Variants in COL8A1 observed in about 807,000 individuals in gnomAD.
The protein encoded by COL8A1 is collagen type VIII alpha 1 chain.
Under a neutral mutation model 42.7 loss-of-function variants are expected in COL8A1, and 21 were observed. The ratio of observed to expected loss-of-function variants is 0.49; its 90% CI spans 0.35 to 0.71. COL8A1 has a LOEUF of 0.71. COL8A1 is among the 30% of genes least tolerant of loss of function. The pLI, the probability that COL8A1 is intolerant of heterozygous loss-of-function variation, is 0.01. For synonymous variants in COL8A1, 367 were observed against 369.1 expected (o/e 0.99, Z 0.06); for missense variants, 788 against 962.4 (o/e 0.82, Z 2.40).
chr3:99,666,675 T>A (rs1938376439), intron 1 of COL8A1, among the ~76,000 whole-genome samples: 1 of 152,198 alleles, frequency 6.6e-6, no homozygotes, highest in African/African-American at 2.4e-5. Context: ...CTGTTGAAAT[T>A]TGTCTCATAT....
At chr3:99,712,102 G>A (rs1305275867) in intron 1 of COL8A1, among the ~76,000 whole-genome samples, 3 of 152,112 alleles carry the variant, frequency 2.0e-5, no homozygotes, top group African/African-American at 7.2e-5. Context: ...CTTTGAAATT[G>A]AAAGGTTTTA....
intron 1 of COL8A1, among the ~76,000 whole-genome samples, 179 bp downstream of exon 1, chr3:99,638,843 A>C (rs1280829818): frequency 6.6e-6 from 1 of 152,158 alleles, no homozygotes. Context: ...GTAAAATAAA[A>C]GCTCCTTCAG....
chr3:99,773,047 C>A (rs1941610292), intron 2 of COL8A1, among the ~76,000 whole-genome samples: 1 of 152,130 alleles, frequency 6.6e-6, no homozygotes, highest in South Asian at 2.1e-4. Flanking sequence ...TCCTTGTCTT[C>A]AAAATGATTA....
At chr3:99,738,740 GGTGGGCTCCACCCA>G (rs2107397595) in intron 1 of COL8A1, among the ~76,000 whole-genome samples, 1 of 118,732 alleles carries the variant, frequency 8.4e-6, no homozygotes, top group East Asian at 3.3e-4. Flanking sequence ...CTTGAGCTGT[GGTGGGCTCCACCCA>G]GTTCGAGCTT....
intron 1 of COL8A1, among the ~76,000 whole-genome samples, chr3:99,716,899 T>C (rs1333973310): frequency 6.6e-6 from 1 of 151,974 alleles, no homozygotes; most frequent in African/African-American, 2.4e-5. Flanking sequence ...CTAAACATAA[T>C]AGGGAACTCA....
At chr3:99,759,496 A>C (rs1484673853) in intron 2 of COL8A1, among the ~76,000 whole-genome samples, 1 of 152,192 alleles carries the variant, frequency 6.6e-6, no homozygotes, top group Non-Finnish European at 1.5e-5. Context: ...ATAAGGGCTA[A>C]AATATCTGGG....
At chr3:99,691,059 C>T (rs983275630) in intron 1 of COL8A1, among the ~76,000 whole-genome samples, 1 of 152,066 alleles carries the variant, frequency 6.6e-6, no homozygotes, top group Non-Finnish European at 1.5e-5. Context: ...CTGACTTTTC[C>T]TGTATGCAAG....
intron 1 of COL8A1, among the ~76,000 whole-genome samples, chr3:99,641,883 G>C (rs1042374079): frequency 1.3e-5 from 2 of 152,132 alleles, no homozygotes; most frequent in African/African-American, 4.8e-5. Flanking sequence ...TGAGTGAAAA[G>C]AAAACCAAAA....
intron 1 of COL8A1, among the ~76,000 whole-genome samples, chr3:99,699,198 C>G (rs1400430203): frequency 1.3e-5 from 2 of 152,208 alleles, no homozygotes; most frequent in East Asian, 3.8e-4. Flanking sequence ...TACTACCCAA[C>G]AGCCAAGAAT....
chr3:99,704,239 A>G (rs963621075), intron 1 of COL8A1, among the ~76,000 whole-genome samples: 1 of 152,140 alleles, frequency 6.6e-6, no homozygotes, highest in Non-Finnish European at 1.5e-5. Context: ...TAAAAATTGA[A>G]TGAATAGAAT....
chr3:99,683,887 C>CTA (rs1420174994), intron 1 of COL8A1, among the ~76,000 whole-genome samples: 3 of 152,014 alleles, frequency 2.0e-5, no homozygotes, highest in African/African-American at 7.3e-5. Flanking sequence ...GACTTTGTCT[C>CTA]TATAAGACCA....
At chr3:99,658,755 A>C (rs1006190916) in intron 1 of COL8A1, among the ~76,000 whole-genome samples, 4 of 152,236 alleles carry the variant, frequency 2.6e-5, no homozygotes, top group African/African-American at 9.6e-5. Flanking sequence ...AAGAAGTCAG[A>C]AAACAAGACG....
chr3:99,750,022 T>A (rs1436747194), intron 2 of COL8A1, among the ~76,000 whole-genome samples: 6 of 151,346 alleles, frequency 4.0e-5, no homozygotes, highest in African/African-American at 1.5e-4. Context: ...GTATAACTTG[T>A]TGCCAACTTC....
At chr3:99,727,574 TC>T (rs1047756599) in intron 1 of COL8A1, among the ~76,000 whole-genome samples, 76 of 152,140 alleles carry the variant, frequency 5.0e-4, no homozygotes, top group African/African-American at 1.7e-3. Flanking sequence ...GGGAATCCTT[TC>T]CCCATTGCTT....
At position 99,650,591 on chromosome 3, in the gene COL8A1, C is replaced by T. The variant is rs112036448; in HGVS notation, c.-129+11927C>T. Among the ~76,000 whole-genome samples the T allele has an allele frequency of 3.3e-5, 5 of 152,088 alleles. 1 individual carries two copies. Among genetic ancestry groups the T allele is most frequent in the African/African-American group, 1.2e-4 (5 of 41,506 alleles). On this transcript the variant is annotated intron_variant, in intron 1 of 3. Coordinates refer to ENST00000652472, the MANE Select transcript of COL8A1 (RefSeq NM_020351.4). The stretch of plus-strand genomic sequence containing the variant: ...CTGGGACTACAGGTGCACGCCACCA[C>T]ACCCAGCTAATTTTTGTATTTTAAT...
intron 1 of COL8A1, chr3:99,675,560 A>G (rs1035307634): frequency 1.3e-5 from 2 of 152,528 alleles, no homozygotes; most frequent in African/African-American, 4.8e-5. Flanking sequence ...TGACAGAATT[A>G]CTAAGCTACA....
intron 1 of COL8A1, among the ~76,000 whole-genome samples, chr3:99,743,661 C>A (rs1940954648): frequency 6.6e-6 from 1 of 152,192 alleles, no homozygotes; most frequent in Non-Finnish European, 1.5e-5. Context: ...TCCTCCATCA[C>A]ACTAGCCATA....
chr3:99,687,696 C>G (rs1220298583), intron 1 of COL8A1, among the ~76,000 whole-genome samples: 1 of 152,180 alleles, frequency 6.6e-6, no homozygotes, highest in East Asian at 1.9e-4. Context: ...AACTGAAAAG[C>G]AGCATTTCAC....
chr3:99,644,644 C>T (rs914678475), intron 1 of COL8A1, among the ~76,000 whole-genome samples: 2 of 152,194 alleles, frequency 1.3e-5, no homozygotes, highest in African/African-American at 4.8e-5. Flanking sequence ...GGCTAAGCAT[C>T]ACTGTGAAAA....
Sources: gnomAD v4.1 joint callset for allele counts (sites outside exome capture counted in the v4.1 genomes callset) on GRCh38, gnomAD v4.1.1 for gene constraint, MANE v1.5 for transcripts, NCBI Gene and HGNC (gene_info 2026-07-23, HGNC 2026-07-21) for gene names.